The following SVEP1 variants were observed in gnomAD, a reference collection of about 807,000 sequenced individuals.
The protein encoded by SVEP1 is sushi, von Willebrand factor type A, EGF and pentraxin domain containing 1.
Under a neutral mutation model 367.3 loss-of-function variants are expected in SVEP1, and 164 were observed. That is an observed-to-expected ratio of 0.45 (90% CI 0.39 to 0.51). SVEP1 has a LOEUF of 0.51. SVEP1 is among the 20% of genes least tolerant of loss of function. The pLI is 0.00. For synonymous variants in SVEP1, 1,666 were observed against 1,611.6 expected (o/e 1.03, Z -0.81); for missense variants, 4,117 against 4,425.3 (o/e 0.93, Z 1.98).
chr9:110,546,621 TG>T (rs2118844153), intron 2 of SVEP1, among the ~76,000 whole-genome samples: 1 of 152,304 alleles, frequency 6.6e-6, no homozygotes, highest in South Asian at 2.1e-4. Context: ...GTCATTCCCC[TG>T]GCTTCCAAAG....
Position 110,513,854 on chromosome 9 carries a change from A to T in SVEP1, c.1123+94T>A, listed in dbSNP as rs113317768. The T allele has an allele frequency of 7.3e-6, 10 of 1,371,310 alleles. No homozygotes were observed. In the South Asian group the frequency reaches 1.3e-4, roughly 18 times the overall value. 84.9% of individuals were successfully genotyped at this position (1,371,310 alleles called of 1,614,324 possible). A position where few individuals can be genotyped will look rare whatever the true frequency, so the allele number is the denominator to read the frequency against. On this transcript the variant is annotated intron_variant, in intron 4 of 47. Coordinates refer to ENST00000374469, the MANE Select transcript of SVEP1 (RefSeq NM_153366.4). ...ATGATTAGAGAAAAGAACATTAAAG[A>T]TCATTCTAAATGAATTAGGTGCAAA...
At chr9:110,465,462 G>T (rs1203411156) in intron 18 of SVEP1, among the ~76,000 whole-genome samples, 1 of 152,116 alleles carries the variant, frequency 6.6e-6, no homozygotes. Context: ...CCTTCAACTC[G>T]TAAGGAATGA....
At chr9:110,456,350 C>T (rs1828775915) in intron 21 of SVEP1, among the ~76,000 whole-genome samples, 1 of 152,086 alleles carries the variant, frequency 6.6e-6, no homozygotes, top group Admixed American at 6.5e-5. Flanking sequence ...GTTTGAGAAC[C>T]ACTGTCCTAT....
chr9:110,561,799 T>C (rs1194750893), intron 1 of SVEP1, among the ~76,000 whole-genome samples: 5 of 152,238 alleles, frequency 3.3e-5, no homozygotes, highest in Non-Finnish European at 7.3e-5. Context: ...TTCCTATTTA[T>C]ACTGTAATTT....
chr9:110,458,431 A>T, intron 20 of SVEP1, 40 bp downstream of exon 20: 1 of 1,556,688 alleles, frequency 6.4e-7, no homozygotes, highest in Non-Finnish European at 8.8e-7. Flanking sequence ...TTGCTTTCCA[A>T]GCATTCCACT....
At chr9:110,536,304 A>G (rs1830078992) in intron 3 of SVEP1, among the ~76,000 whole-genome samples, 1 of 152,054 alleles carries the variant, frequency 6.6e-6, no homozygotes, top group Non-Finnish European at 1.5e-5. Flanking sequence ...GATGAAGCCT[A>G]CTTGGTCACA....
At chr9:110,514,859 C>T (rs999336411) in intron 3 of SVEP1, among the ~76,000 whole-genome samples, 1 of 152,200 alleles carries the variant, frequency 6.6e-6, no homozygotes, top group South Asian at 2.1e-4. Context: ...CCTCTCTTAG[C>T]AAAGGAGAAT....
In SVEP1 at chr9:110,526,552, G is replaced by T. The variant is rs1396882876; in HGVS notation, c.965-12446C>A. On this transcript the variant is annotated intron_variant, in intron 3 of 47. Coordinates refer to ENST00000374469, the MANE Select transcript of SVEP1 (RefSeq NM_153366.4). The stretch of plus-strand genomic sequence containing the variant: ...CACCAAGTGCTATCAAGGAGGCAGA[G>T]AAACTGGATCACTCATACATTTCTG... Among the ~76,000 whole-genome samples, 6 of 152,236 alleles carry T rather than the reference G, an allele frequency of 3.9e-5. No individual in the cohort carries two copies. The South Asian group carries it at 6.2e-4, about 16-fold the overall frequency.
At chr9:110,408,986 T>G (rs1247885303) in intron 37 of SVEP1, 35 bp from the exon 38 acceptor site, 2 of 1,522,690 alleles carry the variant, frequency 1.3e-6, no homozygotes, top group African/African-American at 2.8e-5. Context: ...GAGTGCGATT[T>G]GTATAACAGA....
In SVEP1 at chr9:110,475,272, T is replaced by G. The variant is rs1396263492; in HGVS notation, c.2599+932A>C. On this transcript the variant is annotated intron_variant, in intron 14 of 47. Coordinates refer to ENST00000374469, the MANE Select transcript of SVEP1 (RefSeq NM_153366.4). The stretch of plus-strand genomic sequence containing the variant: ...GAAATGGAAAAGATGTCTGCCGTAA[T>G]GCGAATTAATACTTACCATCTCATA... 2.0e-5 allele frequency among the ~76,000 whole-genome samples: 3 copies of G among 152,278 alleles called. No individual in the cohort carries two copies. The East Asian group carries it at 5.8e-4, about 29-fold the overall frequency.
At chr9:110,487,073 C>G (rs1829290994) in intron 9 of SVEP1, among the ~76,000 whole-genome samples, 2 of 152,214 alleles carry the variant, frequency 1.3e-5, no homozygotes, top group Admixed American at 6.5e-5. Flanking sequence ...TCTCCTGCCT[C>G]AGTCTCCCGA....
chr9:110,577,054 A>G (rs1377619718), intron 1 of SVEP1, among the ~76,000 whole-genome samples: 4 of 152,098 alleles, frequency 2.6e-5, no homozygotes, highest in Non-Finnish European at 5.9e-5. Flanking sequence ...AAGAATTATT[A>G]CTATAAAATA....
chr9:110,398,712 C>T (rs2209786), intron 40 of SVEP1, among the ~76,000 whole-genome samples: 29,429 of 152,142 alleles, frequency 0.19, 3,000 homozygotes, highest in Middle Eastern at 0.33. Flanking sequence ...CAAAAGAAGA[C>T]GTTTATGCAG....
At chr9:110,394,315 C>A (rs1386641793) in intron 40 of SVEP1, among the ~76,000 whole-genome samples, 1 of 152,168 alleles carries the variant, frequency 6.6e-6, no homozygotes, top group African/African-American at 2.4e-5. Flanking sequence ...GGAAAACTAA[C>A]AAACAGAAAG....
rs1259812149 is a variant in SVEP1, at chr9:110,513,936, T to C, written c.1123+12A>G. On this transcript the variant is annotated intron_variant, in intron 4 of 47. Coordinates refer to ENST00000374469, the MANE Select transcript of SVEP1 (RefSeq NM_153366.4). ...TTTTATATTTCCCATTTTCCAACAG[T>C]GGGAGACTCACGTTCACAGGTCTGG... The C allele has an allele frequency of 6.2e-7, 1 of 1,607,396 alleles. No individual in the cohort carries two copies. Among genetic ancestry groups the C allele is most frequent in the Non-Finnish European group, 8.5e-7 (1 of 1,175,708 alleles).
intron 36 of SVEP1, among the ~76,000 whole-genome samples, chr9:110,416,501 A>G (rs138304268): frequency 1.9e-3 from 291 of 152,114 alleles, no homozygotes; most frequent in Non-Finnish European, 3.3e-3. Flanking sequence ...GTGACAGATT[A>G]ATTAACATGA....
intron 9 of SVEP1, among the ~76,000 whole-genome samples, chr9:110,486,649 C>G (rs925043970): frequency 1.4e-4 from 11 of 77,782 alleles, no homozygotes; most frequent in Admixed American, 1.2e-3. Context: ...CTCTCTCTCT[C>G]TCTCTCTTTT....
chr9:110,434,292 AT>A, intron 30 of SVEP1, 43 bp downstream of exon 30: 1 of 1,558,864 alleles, frequency 6.4e-7, no homozygotes, highest in Non-Finnish European at 8.7e-7. Context: ...TGTTTTCAAT[AT>A]TTTTCAAAAG....
rs961430425 is a variant in SVEP1 at position 110,469,099 on chromosome 9, T to G, written c.3001A>C (p.Asn1001His). Residue 1001 changes from asparagine (N) to histidine (H), a missense_variant and splice_region_variant, in exon 17 of 48, where the codon AAT becomes CAT. Around this residue, in one of 4 missense-constraint regions of SVEP1, gnomAD observed 2,174 missense variants for 2,494.3 expected, o/e 0.87. Transcript: ENST00000374469. ...GSVLRGRMCV[N>H]CPLGTYYNLE... The stretch of plus-strand genomic sequence containing the variant: ...TTATAATAGGTTCCCAAAGGGCAAT[T>G]GACTACAGAAAAAGCAAACAGGAAA... 6.2e-7 allele frequency: 1 copy of G among 1,609,678 alleles called. No individual in the cohort carries two copies. Among genetic ancestry groups the G allele is most frequent in the Non-Finnish European group, 8.5e-7 (1 of 1,177,734 alleles).
Sources: allele counts gnomAD v4.1 joint callset (sites outside exome capture counted in the v4.1 genomes callset), GRCh38; gene constraint gnomAD v4.1.1; regional missense constraint gnomAD v4.1.1; transcripts MANE v1.5; gene names NCBI Gene and HGNC (gene_info 2026-07-23, HGNC 2026-07-21).